Variants in COP1 observed in about 807,000 individuals in gnomAD.
COP1 encodes COP1 E3 ubiquitin ligase, also known as E3 ubiquitin-protein ligase COP1.
In COP1, 24 loss-of-function variants were observed where a neutral mutation model predicts 101.3. The ratio of observed to expected loss-of-function variants is 0.24; its 90% CI spans 0.17 to 0.33. The LOEUF (loss-of-function observed/expected upper bound fraction) is 0.33, where lower values mean the gene tolerates loss of function less well. Ranked by LOEUF, COP1 falls within the 10% of genes least tolerant of loss-of-function variation. The pLI is 1.00. For synonymous variants in COP1, 347 were observed against 341.9 expected, an observed-to-expected ratio of 1.01 and a Z score of -0.17; for missense variants, 663 against 906.2, an observed-to-expected ratio of 0.73 and a Z score of 3.45.
At chr1:176,139,288 C>T in intron 6 of COP1, among the ~76,000 whole-genome samples, 1 of 108,384 alleles carries the variant, frequency 9.2e-6, no homozygotes, top group East Asian at 2.4e-4. Flanking sequence ...ACAAAAAAAA[C>T]AAAAAAAAAA....
intron 1 of COP1, among the ~76,000 whole-genome samples, chr1:176,189,837 TGAAA>T (rs1698922469): frequency 6.6e-6 from 1 of 151,598 alleles, no homozygotes; most frequent in Non-Finnish European, 1.5e-5. Context: ...CAAAATGGAC[TGAAA>T]GAAATACAAT....
At chr1:176,061,743 C>CA (rs1674885071) in intron 11 of COP1, among the ~76,000 whole-genome samples, 1 of 151,960 alleles carries the variant, frequency 6.6e-6, no homozygotes, top group Non-Finnish European at 1.5e-5. Context: ...AAAGTTATTA[C>CA]AATGATAGAA....
At chr1:175,969,991 C>T (rs759157778) in intron 18 of COP1, among the ~76,000 whole-genome samples, 1 of 151,998 alleles carries the variant, frequency 6.6e-6, no homozygotes, top group Non-Finnish European at 1.5e-5. Context: ...TAAAAGTAGG[C>T]TCTCTGGGTT....
chr1:176,170,594 GA>G (rs1695892740), intron 3 of COP1, among the ~76,000 whole-genome samples: 1 of 152,128 alleles, frequency 6.6e-6, no homozygotes, highest in Non-Finnish European at 1.5e-5. Context: ...AAATCACGCT[GA>G]AAAGAGATAT....
intron 11 of COP1, among the ~76,000 whole-genome samples, chr1:176,067,895 G>A (rs564444774): frequency 9.2e-5 from 14 of 152,274 alleles, no homozygotes; most frequent in African/African-American, 3.4e-4. Flanking sequence ...ACGCTCCCAC[G>A]ATCTGCCTGT....
intron 15 of COP1, among the ~76,000 whole-genome samples, chr1:175,990,809 C>CTT (rs1285353548): frequency 1.3e-5 from 2 of 152,046 alleles, no homozygotes; most frequent in Non-Finnish European, 2.9e-5. Flanking sequence ...TTGACTACTA[C>CTT]TTACATGGTA....
intron 1 of COP1, among the ~76,000 whole-genome samples, chr1:176,194,496 G>A (rs1699444803): frequency 6.6e-6 from 1 of 152,038 alleles, no homozygotes; most frequent in Non-Finnish European, 1.5e-5. Context: ...AAATTAGCTG[G>A]GCATGGTGGC....
At chr1:176,166,675 G>C (rs1230353521) in intron 3 of COP1, among the ~76,000 whole-genome samples, 1 of 152,142 alleles carries the variant, frequency 6.6e-6, no homozygotes, top group Non-Finnish European at 1.5e-5. Context: ...AGTGGCTCAT[G>C]CCTATAATCC....
intron 2 of COP1, among the ~76,000 whole-genome samples, chr1:176,178,346 A>T (rs1353370543): frequency 2.1e-5 from 3 of 139,864 alleles, no homozygotes; most frequent in East Asian, 2.1e-4. Context: ...TACAAAAAAA[A>T]AAAAATAATA....
intron 6 of COP1, among the ~76,000 whole-genome samples, chr1:176,140,203 T>G (rs958096696): frequency 6.6e-6 from 1 of 152,174 alleles, no homozygotes; most frequent in Non-Finnish European, 1.5e-5. Context: ...TTGTTACATA[T>G]GAAGGCTTCT....
At chr1:175,995,413 A>C (rs1044504574) in intron 15 of COP1, among the ~76,000 whole-genome samples, 4 of 152,192 alleles carry the variant, frequency 2.6e-5, no homozygotes, top group African/African-American at 9.7e-5. Context: ...AACTGAAGGA[A>C]ATACAGACAC....
chr1:176,000,621 C>A (rs1661374077), intron 15 of COP1, among the ~76,000 whole-genome samples: 1 of 151,848 alleles, frequency 6.6e-6, no homozygotes, highest in Non-Finnish European at 1.5e-5. Flanking sequence ...CATGACTCTA[C>A]AATGTAAATA....
chr1:176,000,816 T>C (rs188282102), intron 15 of COP1, among the ~76,000 whole-genome samples: 1 of 152,174 alleles, frequency 6.6e-6, no homozygotes, highest in East Asian at 1.9e-4. Context: ...TGTATCATTT[T>C]AGTTTGAGTA....
intron 7 of COP1, 30 bp from the exon 8 acceptor site, chr1:176,135,116 G>C (rs986941171): frequency 2.2e-6 from 3 of 1,376,988 alleles, no homozygotes; most frequent in Non-Finnish European, 1.0e-6. Context: ...AATTATAGTA[G>C]ATATTTCAAA....
chr1:176,023,793 C>T (rs1667209761), intron 15 of COP1, among the ~76,000 whole-genome samples: 1 of 151,400 alleles, frequency 6.6e-6, no homozygotes, highest in Admixed American at 6.6e-5. Context: ...TTAAAATCTT[C>T]CCCAAAAGAA....
intron 5 of COP1, among the ~76,000 whole-genome samples, chr1:176,154,552 A>G (rs764939845): frequency 6.6e-6 from 1 of 152,186 alleles, no homozygotes; most frequent in Admixed American, 6.5e-5. Flanking sequence ...CAAATACCAC[A>G]TGTTCTCACT....
At chr1:176,017,266 A>G (rs1180509954) in intron 15 of COP1, 3 of 152,164 alleles carry the variant, frequency 2.0e-5, no homozygotes, top group African/African-American at 4.8e-5. Flanking sequence ...ATAAAGGAAG[A>G]CTCATATGTA....
intron 14 of COP1, among the ~76,000 whole-genome samples, chr1:176,030,352 C>A (rs1455210103): frequency 6.6e-6 from 1 of 152,180 alleles, no homozygotes; most frequent in Non-Finnish European, 1.5e-5. Flanking sequence ...TATACTCTAA[C>A]AGCCTAGGCC....
intron 1 of COP1, among the ~76,000 whole-genome samples, chr1:176,190,608 A>T (rs1228781540): frequency 6.6e-6 from 1 of 151,820 alleles, no homozygotes; most frequent in Non-Finnish European, 1.5e-5. Context: ...TATAAGACAT[A>T]TCATCTCAGT....
Sources: gnomAD v4.1 joint callset for allele counts (sites outside exome capture counted in the v4.1 genomes callset) on GRCh38, gnomAD v4.1.1 for gene constraint, MANE v1.5 for transcripts, NCBI Gene and HGNC (gene_info 2026-07-23, HGNC 2026-07-21) for gene names.